POC1B: variants seen among roughly 807,000 people sequenced by gnomAD.
POC1B encodes POC1 centriolar protein B.
In POC1B, 44 loss-of-function variants were observed where a neutral mutation model predicts 60.6. The ratio of observed to expected loss-of-function variants is 0.73; its 90% CI spans 0.57 to 0.93. The LOEUF is 0.93. Among genes scored for constraint, POC1B ranks in the 40% least tolerant of loss-of-function variants. The pLI is 0.00. For synonymous variants in POC1B, 180 were observed against 198.9 expected (o/e 0.90, Z 0.80); for missense variants, 555 against 572.3 (o/e 0.97, Z 0.31).
chr12:89,404,463 A>G, the POC1B span, among the ~76,000 whole-genome samples: 4 of 152,262 alleles, frequency 2.6e-5, no homozygotes, highest in South Asian at 2.1e-4. Context: ...AGTAACATTA[A>G]CAAAGCAGAG....
chr12:89,464,022 C>T (rs1882578891), intron 9 of POC1B, among the ~76,000 whole-genome samples: 2 of 152,214 alleles, frequency 1.3e-5, no homozygotes, highest in African/African-American at 4.8e-5. Context: ...AATGTTATCT[C>T]GTTTCAAACT....
intron 2 of POC1B, among the ~76,000 whole-genome samples, chr12:89,502,872 G>A (rs1869646067): frequency 6.6e-6 from 1 of 151,818 alleles, no homozygotes; most frequent in African/African-American, 2.4e-5. Context: ...GTTCCTTCAG[G>A]TAACTATTAT....
rs762119268 is a variant in POC1B at position 89,497,209 on chromosome 12, G to A, written c.234C>T (p.Ala78=). Residue 78 remains alanine (A), a synonymous_variant, in exon 3 of 12, where the codon GCC becomes GCT. Transcript: ENST00000313546. ...FSPHGNLLAS[A]SRDRTVRLWI... ...AGAGTCTCACGGTTCTGTCTCGTGA[G>A]GCAGACGCCAATAAGTTTCCATGTG... The A allele has an allele frequency of 1.2e-6, 2 of 1,613,882 alleles. No homozygotes were observed. The highest frequency in any genetic ancestry group is 1.7e-6 in the Non-Finnish European group (2 of 1,180,038).
chr12:89,440,837 G>A (rs1881481438), intron 10 of POC1B, among the ~76,000 whole-genome samples: 2 of 152,220 alleles, frequency 1.3e-5, no homozygotes, highest in African/African-American at 4.8e-5. Context: ...TCACCCAGGC[G>A]ATGGGGTCAG....
In POC1B at chr12:89,421,864, C is replaced by T. The variant is rs139737727; in HGVS notation, c.1333-607G>A. 4.6e-5 allele frequency among the ~76,000 whole-genome samples: 7 copies of T among 152,186 alleles called. No individual in the cohort carries two copies. In the East Asian group the frequency reaches 5.8e-4, roughly 13 times the overall value. On this transcript the variant is annotated intron_variant, in intron 11 of 11. Transcript: ENST00000313546. Reference sequence around the variant, plus strand: ...TGCTTACGCTAGTGTTGGACACACACGGTTTGAATAATCCTGTACTCACTT... The same window carrying T: ...TGCTTACGCTAGTGTTGGACACACATGGTTTGAATAATCCTGTACTCACTT...
intron 2 of POC1B, among the ~76,000 whole-genome samples, chr12:89,509,490 A>G (rs1052074535): frequency 6.6e-6 from 1 of 152,182 alleles, no homozygotes; most frequent in African/African-American, 2.4e-5. Context: ...TTAGAAACCA[A>G]TATCTGGGCA....
the POC1B span, among the ~76,000 whole-genome samples, chr12:89,412,971 T>A: frequency 6.8e-6 from 1 of 146,944 alleles, no homozygotes; most frequent in Non-Finnish European, 1.5e-5. Flanking sequence ...TGATATCGGC[T>A]CACTGCAGCC....
chr12:89,520,285 G>A (rs1675995941), intron 2 of POC1B: 1 of 151,928 alleles, frequency 6.6e-6, no homozygotes, highest in South Asian at 2.1e-4. Context: ...CCTTTTGACA[G>A]GAGCATCAAG....
the POC1B span, among the ~76,000 whole-genome samples, chr12:89,412,854 T>TGCCTTCCTC: frequency 7.7e-6 from 1 of 130,010 alleles, no homozygotes. Flanking sequence ...TTCCTTTCCT[T>TGCCTTCCTC]CCTCCCTCCC....
intron 2 of POC1B, among the ~76,000 whole-genome samples, chr12:89,498,356 C>T (rs1338878308): frequency 6.6e-6 from 1 of 152,118 alleles, no homozygotes; most frequent in Non-Finnish European, 1.5e-5. Context: ...CTAACTCTTG[C>T]CTAAAAAACA....
chr12:89,456,977 T>C (rs181173197), intron 10 of POC1B, among the ~76,000 whole-genome samples: 2 of 152,334 alleles, frequency 1.3e-5, no homozygotes, highest in East Asian at 3.8e-4. Context: ...AGACATCTTT[T>C]TTATGTCCTA....
At chr12:89,522,995 G>A (rs750639349) in intron 2 of POC1B, 1 of 1,613,892 alleles carries the variant, frequency 6.2e-7, no homozygotes, top group South Asian at 1.1e-5. Context: ...CCATCTTTGG[G>A]ACAATTTTGC....
At chr12:89,525,733 A>G in intron 1 of POC1B, 148 bp downstream of exon 1, 3 of 1,282,128 alleles carry the variant, frequency 2.3e-6, no homozygotes, top group Non-Finnish European at 3.0e-6. Flanking sequence ...AGAGTGAGAT[A>G]CGGACGCCCC....
At chr12:89,435,963 T>G (rs76900992) in intron 10 of POC1B, among the ~76,000 whole-genome samples, 2 of 151,618 alleles carry the variant, frequency 1.3e-5, no homozygotes, top group South Asian at 2.1e-4. Flanking sequence ...TTTTTTTTTT[T>G]GAGACAGAAT....
At chr12:89,441,245 C>T (rs968339410) in intron 10 of POC1B, among the ~76,000 whole-genome samples, 4 of 152,240 alleles carry the variant, frequency 2.6e-5, no homozygotes, top group African/African-American at 9.6e-5. Context: ...ACGTCCCTGT[C>T]TGACAGCTTT....
At position 89,420,985 on chromosome 12, in the gene POC1B, T is replaced by C. The variant is rs1467437965; in HGVS notation, c.*168A>G. 2 of 487,596 alleles carry C rather than the reference T, an allele frequency of 4.1e-6. No individual in the cohort carries two copies. The highest frequency in any genetic ancestry group is 7.4e-6 in the Non-Finnish European group (2 of 271,624). The allele number at this position is 487,596 out of a possible 1,614,324, so 30.2% of individuals were successfully genotyped here. A position where few individuals can be genotyped will look rare whatever the true frequency, so the allele number is the denominator to read the frequency against. On this transcript the variant is annotated 3_prime_UTR_variant, in exon 12 of 12. Coordinates refer to ENST00000313546, the MANE Select transcript of POC1B (RefSeq NM_172240.3). The stretch of plus-strand genomic sequence containing the variant: ...ATTGATATGTGTTTAAATTAGTCCT[T>C]AGGTATGCCTTTTCTGCCTTTTGTT...
intron 10 of POC1B, among the ~76,000 whole-genome samples, chr12:89,453,170 C>T (rs1305116081): frequency 6.6e-6 from 1 of 152,186 alleles, no homozygotes. Context: ...AATTACGTCA[C>T]TTAATTTCGA....
the POC1B span, among the ~76,000 whole-genome samples, chr12:89,408,237 T>C: frequency 1.3e-5 from 2 of 152,202 alleles, no homozygotes; most frequent in Admixed American, 1.3e-4. Context: ...TCCAAGTCTT[T>C]GCTATTGTGA....
chr12:89,404,025 G>A, the POC1B span, among the ~76,000 whole-genome samples: 7 of 152,112 alleles, frequency 4.6e-5, no homozygotes, highest in South Asian at 1.0e-3. Flanking sequence ...CCAGCTACTC[G>A]GGAGGCTGAG....
Sources: allele counts gnomAD v4.1 joint callset (sites outside exome capture counted in the v4.1 genomes callset), GRCh38; gene constraint gnomAD v4.1.1; transcripts MANE v1.5; gene names NCBI Gene and HGNC (gene_info 2026-07-23, HGNC 2026-07-21).